The following POC5 variants were observed in gnomAD, a reference collection of about 807,000 sequenced individuals.
POC5 encodes the protein POC5 centriolar protein.
POC5 carries 48 observed loss-of-function variants against 62.9 expected under a neutral mutation model. The observed-to-expected ratio is 0.76, with a 90% CI of 0.61 to 0.97. POC5 has a LOEUF of 0.97. POC5 is among the 50% of genes least tolerant of loss of function. The probability of loss-of-function intolerance (pLI) is 0.00; values close to 1 mark genes in which losing one functional copy is unlikely to be tolerated. For missense variants in POC5, 696 were observed against 679.5 expected, an observed-to-expected ratio of 1.02 and a Z score of -0.27; for synonymous variants, 236 against 228.2, an observed-to-expected ratio of 1.03 and a Z score of -0.31.
intron 1 of POC5, among the ~76,000 whole-genome samples, chr5:75,713,691 C>G (rs1777439811): frequency 6.6e-6 from 1 of 152,124 alleles, no homozygotes; most frequent in Non-Finnish European, 1.5e-5. Context: ...GGTAAGATTG[C>G]ATGACTGTAA....
chr5:75,712,361 C>T, intron 2 of POC5: 4 of 1,568,586 alleles, frequency 2.6e-6, no homozygotes, highest in Non-Finnish European at 3.5e-6. Context: ...ACCACACCCT[C>T]TGTAGTTAAC....
intron 6 of POC5, among the ~76,000 whole-genome samples, chr5:75,694,256 T>C (rs922107225): frequency 6.6e-6 from 1 of 152,188 alleles, no homozygotes; most frequent in Non-Finnish European, 1.5e-5. Context: ...ATGTAGATAA[T>C]GCTCGTTCCT....
At chr5:75,683,469 G>A (rs1208275918) in intron 10 of POC5, among the ~76,000 whole-genome samples, 10 of 151,740 alleles carry the variant, frequency 6.6e-5, no homozygotes, top group South Asian at 2.1e-4. Context: ...TCCTGACCTC[G>A]TGATCCACCC....
chr5:75,675,915 T>C (rs1469578980), intron 11 of POC5, among the ~76,000 whole-genome samples: 1 of 152,224 alleles, frequency 6.6e-6, no homozygotes, highest in Non-Finnish European at 1.5e-5. Context: ...TAACTATTTC[T>C]GGTAGATTTA....
chr5:75,683,267 C>T (rs1775940997), intron 10 of POC5, among the ~76,000 whole-genome samples: 1 of 150,176 alleles, frequency 6.7e-6, no homozygotes, highest in East Asian at 1.9e-4. Flanking sequence ...GACAGTCTCG[C>T]TGTGTCGCCC....
intron 4 of POC5, among the ~76,000 whole-genome samples, chr5:75,703,401 G>GTGAA (rs2112180140): frequency 6.6e-6 from 1 of 152,202 alleles, no homozygotes; most frequent in Admixed American, 6.5e-5. Flanking sequence ...GCCGAGGCGG[G>GTGAA]TGAATCATGA....
chr5:75,678,567 C>T (rs1315958248), intron 10 of POC5, among the ~76,000 whole-genome samples: 1 of 151,720 alleles, frequency 6.6e-6, no homozygotes, highest in Non-Finnish European at 1.5e-5. Flanking sequence ...TACACATATG[C>T]TTCTGTGTTC....
chr5:75,680,252 A>G (rs184486074), intron 10 of POC5, among the ~76,000 whole-genome samples: 21 of 152,274 alleles, frequency 1.4e-4, no homozygotes, highest in African/African-American at 4.8e-4. Context: ...CTCCTGCCCA[A>G]TCACGCTTGA....
chr5:75,683,703 TAA>T (rs199993511), intron 10 of POC5, among the ~76,000 whole-genome samples: 13 of 138,752 alleles, frequency 9.4e-5, no homozygotes, highest in Non-Finnish European at 7.9e-5. Flanking sequence ...AAACTCTAGT[TAA>T]AAAAAAAAAA....
At chr5:75,674,727 T>C (rs1775588289) in intron 11 of POC5, 149 bp from the exon 12 acceptor site, 1 of 1,006,552 alleles carries the variant, frequency 9.9e-7, no homozygotes, top group African/African-American at 1.6e-5. Context: ...AGCTGTTAAT[T>C]AGATGAGGCC....
intron 5 of POC5, 109 bp from the exon 6 acceptor site, chr5:75,694,940 A>G (rs1776498180): frequency 6.6e-6 from 5 of 759,442 alleles, no homozygotes; most frequent in East Asian, 5.7e-5. Flanking sequence ...CATCAACACA[A>G]AAGTCATTAA....
intron 9 of POC5, among the ~76,000 whole-genome samples, chr5:75,688,357 C>T (rs543182960): frequency 4.1e-4 from 63 of 152,288 alleles, no homozygotes; most frequent in African/African-American, 1.4e-3. Flanking sequence ...TTATCTCCTT[C>T]GCTCAGAGAA....
chr5:75,692,323 T>C (rs532539735), intron 7 of POC5, 73 bp downstream of exon 7: 12 of 1,009,712 alleles, frequency 1.2e-5, no homozygotes, highest in Middle Eastern at 2.2e-4. Context: ...AAAACAACTA[T>C]AATAAGTGAT....
At position 75,674,413 on chromosome 5, in the gene POC5, C is replaced by G. The variant is rs761043240; in HGVS notation, c.*22G>C. On this transcript the variant is annotated 3_prime_UTR_variant, in exon 12 of 12. Coordinates refer to ENST00000428202, the MANE Select transcript of POC5 (RefSeq NM_001099271.2). ...TGGTAAGACCAGAGGGATTAAAAGA[C>G]CCCACTATGGACATATTCACTTTAG... 1.5e-4 allele frequency: 241 copies of G among 1,610,402 alleles called. 9 individuals carry two copies. In the Middle Eastern group the frequency reaches 9.1e-3, roughly 61 times the overall value.
chr5:75,697,706 C>T (rs1232525294), intron 5 of POC5, among the ~76,000 whole-genome samples: 2 of 151,906 alleles, frequency 1.3e-5, no homozygotes, highest in Non-Finnish European at 2.9e-5. Context: ...GGATCAAATT[C>T]ACACATAACA....
intron 9 of POC5, among the ~76,000 whole-genome samples, chr5:75,688,203 G>A (rs1776176373): frequency 1.3e-5 from 2 of 152,160 alleles, no homozygotes; most frequent in African/African-American, 4.8e-5. Flanking sequence ...ATCTTGAGAC[G>A]TTGACTTGAA....
At chr5:75,696,906 A>C (rs1442342724) in intron 5 of POC5, among the ~76,000 whole-genome samples, 1 of 152,046 alleles carries the variant, frequency 6.6e-6, no homozygotes, top group Non-Finnish European at 1.5e-5. Flanking sequence ...TACGTGAAGA[A>C]TGCAGAAGCC....
At position 75,702,663 on chromosome 5, in the gene POC5, GA is replaced by G. The variant is rs774409848; in HGVS notation, c.454del (p.Ser152LeufsTer27). On this transcript the variant is annotated frameshift_variant, in exon 5 of 12. Coordinates refer to ENST00000428202, the MANE Select transcript of POC5 (RefSeq NM_001099271.2). LOFTEE classifies it high-confidence loss of function. ...TTCCATCTTCTGAAGGTTTTCATCA[GA>G]AACAAGAAAATCGCTCACAAGTATT... ...HEILVSDFLV[S>X]DENLQKMENV... 6.2e-7 allele frequency: 1 copy of G among 1,612,946 alleles called. No individual in the cohort carries two copies. Among genetic ancestry groups the G allele is most frequent in the Non-Finnish European group, 8.5e-7 (1 of 1,179,484 alleles).
chr5:75,679,961 A>G (rs895624777), intron 10 of POC5, among the ~76,000 whole-genome samples: 1 of 152,168 alleles, frequency 6.6e-6, no homozygotes, highest in African/African-American at 2.4e-5. Flanking sequence ...AGTCCTTGTA[A>G]AAATGATTTG....
Sources: allele counts gnomAD v4.1 joint callset (sites outside exome capture counted in the v4.1 genomes callset), GRCh38; gene constraint gnomAD v4.1.1; transcripts MANE v1.5; gene names NCBI Gene and HGNC (gene_info 2026-07-23, HGNC 2026-07-21).